Variants in TMC1 observed in about 807,000 individuals in gnomAD.
TMC1 encodes the protein transmembrane channel like 1.
TMC1 carries 84 observed loss-of-function variants against 105.8 expected under a neutral mutation model. That is an observed-to-expected ratio of 0.79 (90% confidence interval 0.67 to 0.95). The LOEUF is 0.95. TMC1 is among the 40% of genes least tolerant of loss of function. The pLI is 0.00. For missense variants in TMC1, 817 were observed against 914.1 expected (o/e 0.89, Z 1.37); for synonymous variants, 315 against 311.5 (o/e 1.01, Z -0.12).
intron 4 of TMC1, among the ~76,000 whole-genome samples, chr9:72,629,586 GTGTGTGTTTA>G (rs997276279): frequency 6.6e-6 from 1 of 152,174 alleles, no homozygotes; most frequent in African/African-American, 2.4e-5. Flanking sequence ...TTCTGTGTGT[GTGTGTGTTTA>G]TGTGTGTTTG....
rs190069336 is a variant in TMC1 at position 72,743,111 on chromosome 9, T to A, written c.535+586T>A. Among the ~76,000 whole-genome samples, 314 of 152,108 alleles carry A rather than the reference T, an allele frequency of 2.1e-3. 2 individuals are homozygous for A. Among genetic ancestry groups the A allele is most frequent in the Admixed American group, 0.02 (303 of 15,286 alleles). The stretch of plus-strand genomic sequence containing the variant: ...GGCCGGGCGCGGTGGCTCACGCCTG[T>A]AATCCCAGCACTTTGGGAGGCCGAG... On this transcript the variant is annotated intron_variant, in intron 10 of 23. Coordinates refer to ENST00000297784, the MANE Select transcript of TMC1 (RefSeq NM_138691.3).
At chr9:72,741,652 A>G (rs1827392009) in intron 9 of TMC1, 2 of 154,036 alleles carry the variant, frequency 1.3e-5, no homozygotes, top group African/African-American at 2.4e-5. Flanking sequence ...GGCAGATGGG[A>G]AAAAAAGCGT....
chr9:72,814,983 G>C (rs746059522), intron 18 of TMC1, among the ~76,000 whole-genome samples: 12 of 149,424 alleles, frequency 8.0e-5, no homozygotes, highest in Non-Finnish European at 1.3e-4. Flanking sequence ...TGTGTGGTCT[G>C]AAGCACACCT....
intron 1 of TMC1, among the ~76,000 whole-genome samples, chr9:72,565,951 C>T (rs1472020192): frequency 1.3e-5 from 2 of 152,134 alleles, no homozygotes; most frequent in African/African-American, 4.8e-5. Context: ...GGGGACACAG[C>T]CAAACTGTAT....
chr9:72,676,083 G>A (rs1203261160), intron 5 of TMC1, among the ~76,000 whole-genome samples: 1 of 152,102 alleles, frequency 6.6e-6, no homozygotes, highest in Non-Finnish European at 1.5e-5. Flanking sequence ...GCATACCATT[G>A]GCTAAGGCAG....
intron 2 of TMC1, among the ~76,000 whole-genome samples, chr9:72,583,858 G>GA (rs34005596): frequency 0.45 from 68,031 of 151,596 alleles, 17,260 homozygotes; most frequent in African/African-American, 0.7. Flanking sequence ...AATTATTATG[G>GA]AAAAAGTAGT....
intron 1 of TMC1, among the ~76,000 whole-genome samples, chr9:72,571,422 TG>T (rs1470795338): frequency 6.6e-6 from 1 of 151,164 alleles, no homozygotes; most frequent in African/African-American, 2.4e-5. Context: ...ATCCTGAAGC[TG>T]GTGTGAATCA....
In TMC1 at chr9:72,721,048, C is replaced by A. The variant is rs993055150; in HGVS notation, c.363-19071C>A. Among the ~76,000 whole-genome samples, 6 of 152,060 alleles carry A rather than the reference C, an allele frequency of 3.9e-5. No homozygotes were observed. The East Asian group carries it at 7.7e-4, about 20-fold the overall frequency. On this transcript the variant is annotated intron_variant, in intron 8 of 23. Transcript: ENST00000297784. ...CTTGTTAAAAAATACTTAAGAATTT[C>A]TATTATTAAGAATTTTAAGATGATG...
chr9:72,622,380 C>G lies in TMC1; in HGVS notation c.-195-5541C>G, dbSNP rs540013682. The stretch of plus-strand genomic sequence containing the variant: ...TCGTTTCTTTGTTCCTGCAGGCTGC[C>G]TGTGGTAGTTACTATCTCTCTGAAG... On this transcript the variant is annotated intron_variant, in intron 3 of 23. Coordinates refer to ENST00000297784, the MANE Select transcript of TMC1 (RefSeq NM_138691.3). Among the ~76,000 whole-genome samples, 12 of 152,298 alleles carry G rather than the reference C, an allele frequency of 7.9e-5. No homozygotes were observed. In the Middle Eastern group the frequency reaches 0.014, roughly 173 times the overall value.
At chr9:72,740,441 AG>A (rs1362472236) in intron 9 of TMC1, among the ~76,000 whole-genome samples, 5 of 152,180 alleles carry the variant, frequency 3.3e-5, no homozygotes. Context: ...TTATGGCAAA[AG>A]ACTTACTTGT....
At chr9:72,791,119 C>T (rs548173120) in intron 15 of TMC1, among the ~76,000 whole-genome samples, 112 of 152,184 alleles carry the variant, frequency 7.4e-4, no homozygotes, top group African/African-American at 2.0e-3. Flanking sequence ...ATAATATCAT[C>T]ATAAGGTTGC....
At chr9:72,715,366 G>T (rs1391005533) in intron 8 of TMC1, among the ~76,000 whole-genome samples, 1 of 152,038 alleles carries the variant, frequency 6.6e-6, no homozygotes, top group Non-Finnish European at 1.5e-5. Context: ...TTTCCAACTT[G>T]GTTCCATTCT....
In TMC1 at chr9:72,770,285, C is replaced by CAT. The variant is rs1033172891; in HGVS notation, c.742-2114_742-2113dup. Reference sequence around the variant, plus strand: ...ATGTATACACACATACACACATATACATATATATATATATAAAATTTATTA... The same window carrying CAT: ...ATGTATACACACATACACACATATACATATATATATATATATAAAATTTATTA... On this transcript the variant is annotated intron_variant, in intron 12 of 23. Transcript: ENST00000297784. Among the ~76,000 whole-genome samples, 607 of 145,252 alleles carry CAT rather than the reference C, an allele frequency of 4.2e-3. 3 individuals carry two copies. Among genetic ancestry groups the CAT allele is most frequent in the African/African-American group, 0.014 (547 of 39,546 alleles).
At chr9:72,752,976 T>C (rs1827606627) in intron 11 of TMC1, among the ~76,000 whole-genome samples, 1 of 152,218 alleles carries the variant, frequency 6.6e-6, no homozygotes, top group Admixed American at 6.5e-5. Context: ...GAAGACATTT[T>C]CTTCACCCAT....
At chr9:72,744,966 C>G (rs1024076498) in intron 10 of TMC1, among the ~76,000 whole-genome samples, 2 of 152,056 alleles carry the variant, frequency 1.3e-5, no homozygotes, top group African/African-American at 4.8e-5. Flanking sequence ...CAGTTATCTC[C>G]TCTCTTCTTC....
chr9:72,650,678 C>T (rs1254220825), intron 5 of TMC1, among the ~76,000 whole-genome samples: 1 of 151,280 alleles, frequency 6.6e-6, no homozygotes, highest in African/African-American at 2.4e-5. Context: ...TCACATAGAC[C>T]CCAGGGTCTG....
chr9:72,815,269 C>T (rs1437610621), intron 18 of TMC1, among the ~76,000 whole-genome samples: 2 of 152,114 alleles, frequency 1.3e-5, no homozygotes, highest in Non-Finnish European at 2.9e-5. Context: ...TTAACCACTT[C>T]CATTCTATTG....
chr9:72,830,727 T>C, intron 23 of TMC1, 45 bp downstream of exon 23: 1 of 1,510,054 alleles, frequency 6.6e-7, no homozygotes, highest in Non-Finnish European at 9.0e-7. Flanking sequence ...TTTTTCTTTT[T>C]CTTTTTCTTT....
rs150426461 is a variant in TMC1 at position 72,567,251 on chromosome 9, C to T, written c.-427-10651C>T. 7.6e-4 allele frequency among the ~76,000 whole-genome samples: 116 copies of T among 152,302 alleles called. 1 individual carries two copies. In the East Asian group the frequency reaches 0.019, roughly 25 times the overall value. On this transcript the variant is annotated intron_variant, in intron 1 of 23. Transcript: ENST00000297784. Reference sequence around the variant, plus strand: ...CATTGGATCATGGTAGGGTTTATCACGGTCTCGTATTTGTCTGCTTACTTG... The same window carrying T: ...CATTGGATCATGGTAGGGTTTATCATGGTCTCGTATTTGTCTGCTTACTTG...
Sources: gnomAD v4.1 joint callset for allele counts (sites outside exome capture counted in the v4.1 genomes callset) on GRCh38, gnomAD v4.1.1 for gene constraint, MANE v1.5 for transcripts, NCBI Gene and HGNC (gene_info 2026-07-23, HGNC 2026-07-21) for gene names.